RFTN2: variants seen among roughly 807,000 people sequenced by gnomAD.
The protein encoded by RFTN2 is raftlin family member 2, also known as raftlin-2.
A neutral mutation model predicts 52.7 loss-of-function variants in RFTN2; 34 were observed. The observed-to-expected ratio is 0.64, with a 90% CI of 0.49 to 0.86. The LOEUF is 0.86. Ranked by LOEUF, RFTN2 falls within the 40% of genes least tolerant of loss-of-function variation. The probability of loss-of-function intolerance (pLI) is 0.00; values close to 1 mark genes in which losing one functional copy is unlikely to be tolerated. For synonymous variants in RFTN2, 203 were observed against 217.7 expected (o/e 0.93, Z 0.59); for missense variants, 536 against 600.1 (o/e 0.89, Z 1.12).
In RFTN2 at chr2:197,644,685, G is replaced by A. The variant is rs572346562; in HGVS notation, c.324-413C>T. Among the ~76,000 whole-genome samples, 113 of 152,116 alleles carry A rather than the reference G, an allele frequency of 7.4e-4. 1 individual carries two copies. Among genetic ancestry groups the A allele is most frequent in the African/African-American group, 2.7e-3 (110 of 41,474 alleles). ...TTTGCTTATTCTTCGGCTTGCCAGG[G>A]TACTGCTAAATCTGTCTGAAGTAAT... On this transcript the variant is annotated intron_variant, in intron 2 of 8. Coordinates refer to ENST00000295049, the MANE Select transcript of RFTN2 (RefSeq NM_144629.3).
intron 8 of RFTN2, among the ~76,000 whole-genome samples, chr2:197,577,215 TC>T (rs2087433164): frequency 6.6e-6 from 1 of 152,228 alleles, no homozygotes; most frequent in African/African-American, 2.4e-5. Context: ...CATCAGGACT[TC>T]CTGAGGCTGT....
At chr2:197,652,494 C>T (rs759963871) in intron 1 of RFTN2, among the ~76,000 whole-genome samples, 7 of 152,130 alleles carry the variant, frequency 4.6e-5, no homozygotes, top group Non-Finnish European at 7.4e-5. Flanking sequence ...TTAGAAATAT[C>T]TTCATTTCAC....
intron 7 of RFTN2, among the ~76,000 whole-genome samples, chr2:197,608,623 CTTTTTTTTTTTT>C (rs57681105): frequency 1.0e-5 from 1 of 99,514 alleles, no homozygotes; most frequent in Admixed American, 1.1e-4. Context: ...TGGGACCAGA[CTTTTTTTTTTTT>C]TTTTTTTTTT....
At chr2:197,639,114 T>C (rs1317186989) in intron 3 of RFTN2, among the ~76,000 whole-genome samples, 8 of 144,224 alleles carry the variant, frequency 5.5e-5, no homozygotes, top group African/African-American at 1.8e-4. Flanking sequence ...GATCCGCTGT[T>C]AGTCTGATGG....
In RFTN2 at chr2:197,633,865, C is replaced by A. The variant is rs754600121; in HGVS notation, c.571G>T (p.Asp191Tyr). Residue 191 changes from aspartate (D) to tyrosine (Y), a missense_variant, in exon 4 of 9, where the codon GAT becomes TAT. Coordinates refer to ENST00000295049, the MANE Select transcript of RFTN2 (RefSeq NM_144629.3). ...TCATTCCAACTTCTACAGTTTTCAT[C>A]TGAACCGTGTCTCACATGTAGCATC... ...ESMLHVRHGS[D>Y]ENCRSWNEGT... is the part of the protein sequence containing the mutation. 7.4e-6 allele frequency: 12 copies of A among 1,613,970 alleles called. No homozygotes were observed. The Admixed American group carries it at 8.3e-5, about 11-fold the overall frequency.
At chr2:197,623,723 A>G (rs1408991309) in intron 5 of RFTN2, among the ~76,000 whole-genome samples, 2 of 151,946 alleles carry the variant, frequency 1.3e-5, no homozygotes, top group African/African-American at 4.8e-5. Context: ...CTGGAGTGCA[A>G]TGGCATGATC....
intron 5 of RFTN2, among the ~76,000 whole-genome samples, chr2:197,619,118 C>A (rs1445659716): frequency 2.0e-5 from 3 of 150,650 alleles, no homozygotes; most frequent in Non-Finnish European, 3.0e-5. Context: ...GCCAGCCGCC[C>A]CGTCCGGGAG....
intron 3 of RFTN2, among the ~76,000 whole-genome samples, chr2:197,642,535 A>G (rs542529648): frequency 5.3e-5 from 8 of 152,304 alleles, no homozygotes; most frequent in African/African-American, 1.9e-4. Flanking sequence ...ATATTCTATT[A>G]TATTAATCCA....
intron 7 of RFTN2, among the ~76,000 whole-genome samples, chr2:197,614,343 G>A (rs2088108363): frequency 6.6e-6 from 1 of 152,184 alleles, no homozygotes. Flanking sequence ...GGCTGGAGAT[G>A]GTTGGAGAGG....
At chr2:197,576,582 C>T (rs1280039203) in intron 8 of RFTN2, among the ~76,000 whole-genome samples, 1 of 152,098 alleles carries the variant, frequency 6.6e-6, no homozygotes, top group African/African-American at 2.4e-5. Flanking sequence ...CCAGGCTGAT[C>T]TTACAGAAGT....
chr2:197,606,139 C>T (rs1410712945), intron 7 of RFTN2, among the ~76,000 whole-genome samples: 1 of 152,064 alleles, frequency 6.6e-6, no homozygotes, highest in South Asian at 2.1e-4. Flanking sequence ...TTTTTCACCC[C>T]CTCACACTCT....
At chr2:197,605,478 G>A (rs1435880222) in intron 7 of RFTN2, among the ~76,000 whole-genome samples, 2 of 152,168 alleles carry the variant, frequency 1.3e-5, no homozygotes, top group Non-Finnish European at 2.9e-5. Flanking sequence ...GCCTCCCAAA[G>A]TGCTGAGATT....
chr2:197,593,564 T>TA (rs1463548509), intron 8 of RFTN2, among the ~76,000 whole-genome samples: 1 of 151,734 alleles, frequency 6.6e-6, no homozygotes, highest in African/African-American at 2.4e-5. Flanking sequence ...GATTTTTTCC[T>TA]AAAAATAATG....
chr2:197,640,441 G>T (rs148911980), intron 3 of RFTN2, among the ~76,000 whole-genome samples: 3 of 151,174 alleles, frequency 2.0e-5, no homozygotes, highest in African/African-American at 4.9e-5. Flanking sequence ...CTCGTGGTGC[G>T]CCGTTTTTTA....
intron 1 of RFTN2, among the ~76,000 whole-genome samples, chr2:197,664,669 C>T (rs781291548): frequency 1.4e-4 from 21 of 151,882 alleles, no homozygotes; most frequent in Middle Eastern, 6.8e-3. Flanking sequence ...GTTGTGGTCC[C>T]GGCTACTTGG....
chr2:197,570,159 A>C lies in RFTN2; in HGVS notation c.*1849T>G, dbSNP rs1164745052. On this transcript the variant is annotated 3_prime_UTR_variant, in exon 9 of 9. Transcript: ENST00000295049. ...ATTACGTTTTATGGACTCCTGAAGCAGTGATTGTTTCTACCAAAAATCCAC... is the reference window on the plus strand; with the variant it reads ...ATTACGTTTTATGGACTCCTGAAGCCGTGATTGTTTCTACCAAAAATCCAC... 6.6e-6 allele frequency: 1 copy of C among 152,184 alleles called. No individual in the cohort carries two copies. Among genetic ancestry groups the C allele is most frequent in the Non-Finnish European group, 1.5e-5 (1 of 68,042 alleles). 9.4% of individuals were successfully genotyped at this position (152,184 alleles called of 1,614,324 possible).
At chr2:197,575,091 G>A (rs1461045348) in intron 8 of RFTN2, among the ~76,000 whole-genome samples, 2 of 152,148 alleles carry the variant, frequency 1.3e-5, no homozygotes, top group Admixed American at 6.5e-5. Flanking sequence ...AATCATGGGG[G>A]TGGGTCTTTC....
chr2:197,650,946 A>T (rs1574743017), intron 1 of RFTN2, among the ~76,000 whole-genome samples: 1 of 152,320 alleles, frequency 6.6e-6, no homozygotes, highest in East Asian at 1.9e-4. Context: ...CATCCTCACT[A>T]ACACTTGTTT....
intron 3 of RFTN2, among the ~76,000 whole-genome samples, chr2:197,640,594 C>T (rs1445558993): frequency 3.9e-5 from 6 of 152,224 alleles, no homozygotes; most frequent in East Asian, 3.9e-4. Flanking sequence ...TGCTTCGGCT[C>T]GCGCACGGTG....
Sources: gnomAD v4.1 joint callset for allele counts (sites outside exome capture counted in the v4.1 genomes callset) on GRCh38, gnomAD v4.1.1 for gene constraint, MANE v1.5 for transcripts, NCBI Gene and HGNC (gene_info 2026-07-23, HGNC 2026-07-21) for gene names.